Variants in ESPNL observed in about 807,000 individuals in gnomAD.
ESPNL encodes the protein espin-like protein.
In ESPNL, 49 loss-of-function variants were observed where a neutral mutation model predicts 46.8. The ratio of observed to expected loss-of-function variants is 1.05; its 90% CI spans 0.83 to 1.33. The LOEUF (loss-of-function observed/expected upper bound fraction) is 1.33, where lower values mean the gene tolerates loss of function less well. Ranked by LOEUF, ESPNL falls within the 40% of genes most tolerant of loss-of-function variation. The probability of loss-of-function intolerance (pLI) is 0.00; values close to 1 mark genes in which losing one functional copy is unlikely to be tolerated. For missense variants in ESPNL, 1,540 were observed against 1,436.6 expected (o/e 1.07, Z -1.16); for synonymous variants, 664 against 662.1 (o/e 1.00, Z -0.04).
intron 5 of ESPNL, among the ~76,000 whole-genome samples, chr2:238,120,965 A>C (rs541949041): frequency 1.1e-4 from 16 of 152,314 alleles, no homozygotes; most frequent in African/African-American, 2.9e-4. Context: ...GCATTCCAAG[A>C]GCAGCAGCAG....
intron 3 of ESPNL, among the ~76,000 whole-genome samples, chr2:238,106,726 G>A (rs969228859): frequency 1.2e-5 from 1 of 85,426 alleles, no homozygotes; most frequent in Non-Finnish European, 1.9e-5. Flanking sequence ...AGGGGGTCCT[G>A]AGGGAGGGAA....
rs1272258044 is a variant in ESPNL at position 238,126,935 on chromosome 2, TTG to T, written c.1103-679_1103-678del. On this transcript the variant is annotated intron_variant, in intron 6 of 8. Coordinates refer to ENST00000343063, the MANE Select transcript of ESPNL (RefSeq NM_194312.4). ...TATGATCGTGTCTGTGTGTCTGTGATTGTGTGTGTCACTGTTATTGTGTGTCT... is the reference window on the plus strand; with the variant it reads ...TATGATCGTGTCTGTGTGTCTGTGATTGTGTGTCACTGTTATTGTGTGTCT... 5.4e-4 allele frequency among the ~76,000 whole-genome samples: 25 copies of T among 46,110 alleles called. No homozygotes were observed. In the East Asian group the frequency reaches 9.8e-3, roughly 18 times the overall value. The allele number at this position is 46,110 out of a possible 152,430, so 30.2% of individuals were successfully genotyped here.
At chr2:238,127,340 A>C (rs1224769340) in intron 6 of ESPNL, 33 of 1,246,152 alleles carry the variant, frequency 2.6e-5, no homozygotes, top group Non-Finnish European at 3.1e-5. Context: ...GGCGGCCTCA[A>C]GCCCTTCCCA....
At chr2:238,117,256 G>A (rs1052449976) in intron 5 of ESPNL, among the ~76,000 whole-genome samples, 2 of 152,240 alleles carry the variant, frequency 1.3e-5, no homozygotes, top group Non-Finnish European at 2.9e-5. Flanking sequence ...CAGGGGCCAG[G>A]ACAGGGGCTG....
At chr2:238,106,186 G>A (rs751818886) in intron 3 of ESPNL, among the ~76,000 whole-genome samples, 1 of 152,186 alleles carries the variant, frequency 6.6e-6, no homozygotes, top group Non-Finnish European at 1.5e-5. Context: ...CACCTGCTAC[G>A]TTCCCCGCAC....
rs2106476488 is a variant in ESPNL at position 238,125,344 on chromosome 2, G to GC, written c.1062_1063insC (p.Asp355ArgfsTer26). The stretch of plus-strand genomic sequence containing the variant: ...TGTTGGCCACGAGGCGCTCCCTGGA[G>GC]GATGGAAGAAGAGGAGGCCCAGGGC... On this transcript the variant is annotated frameshift_variant, in exon 6 of 9. Transcript: ENST00000343063. LOFTEE classifies it high-confidence loss of function. 6.4e-7 allele frequency: 1 copy of GC among 1,574,686 alleles called. No homozygotes were observed. The highest frequency in any genetic ancestry group is 1.2e-5 in the South Asian group (1 of 85,042).
At chr2:238,105,634 G>A (rs1444515569) in intron 3 of ESPNL, among the ~76,000 whole-genome samples, 1 of 152,162 alleles carries the variant, frequency 6.6e-6, no homozygotes, top group African/African-American at 2.4e-5. Context: ...CTTCCTGAGG[G>A]GGGCACAGGT....
In ESPNL at chr2:238,100,616, G is replaced by C; in HGVS notation, c.197G>C (p.Arg66Pro). 6.7e-7 allele frequency: 1 copy of C among 1,501,470 alleles called. No individual in the cohort carries two copies. Among genetic ancestry groups the C allele is most frequent in the East Asian group, 2.5e-5 (1 of 40,618 alleles). 93.0% of individuals were successfully genotyped at this position (1,501,470 alleles called of 1,614,324 possible). A position where few individuals can be genotyped will look rare whatever the true frequency, so the allele number is the denominator to read the frequency against. Residue 66 changes from arginine to proline, a missense_variant, in exon 1 of 9, where the codon CGG (arginine) becomes CCG (proline). Transcript: ENST00000343063. ...CGGGCCCAGCTGCCCGGCAACCAGC[G>C]GGCCCACAACGGGGCCACCCCAGCG... The part of the protein sequence containing the change: ...VQRAQLPGNQ[R>P]AHNGATPAHD...
intron 8 of ESPNL, 92 bp from the exon 9 acceptor site, chr2:238,130,036 A>C: frequency 6.4e-6 from 9 of 1,407,084 alleles, no homozygotes; most frequent in Non-Finnish European, 8.7e-6. Flanking sequence ...GAGGCTCTGC[A>C]GAGATACTGA....
At chr2:238,127,779 C>A in intron 7 of ESPNL, 45 bp downstream of exon 7, 1 of 1,464,526 alleles carries the variant, frequency 6.8e-7, no homozygotes. Flanking sequence ...GGCCCCTAGC[C>A]AGCCTCCATT....
chr2:238,118,507 GAGGGTGGATGGAGA>G lies in ESPNL; in HGVS notation c.987+1487_987+1500del, dbSNP rs1258903695. Reference sequence around the variant, plus strand: ...AAAGAGTGGATGGTGGGAGATGGAGGAGGGTGGATGGAGAAGGGTGGATGGAGGAGGAATGGATG... The same window carrying G: ...AAAGAGTGGATGGTGGGAGATGGAGGAGGGTGGATGGAGGAGGAATGGATG... On this transcript the variant is annotated intron_variant, in intron 5 of 8. Coordinates refer to ENST00000343063, the MANE Select transcript of ESPNL (RefSeq NM_194312.4). Among the ~76,000 whole-genome samples, 26 of 131,070 alleles carry G rather than the reference GAGGGTGGATGGAGA, an allele frequency of 2.0e-4. 1 individual carries two copies. The highest frequency in any genetic ancestry group is 2.6e-4 in the Non-Finnish European group (16 of 61,902). 86.0% of individuals were successfully genotyped at this position (131,070 alleles called of 152,430 possible).
Position 238,127,295 on chromosome 2 carries a change from G to C in ESPNL, c.1103-327G>C. The C allele has an allele frequency of 1.7e-5, 19 of 1,104,996 alleles. 1 individual carries two copies. The highest frequency in any genetic ancestry group is 2.0e-5 in the Non-Finnish European group (18 of 893,510). The allele number at this position is 1,104,996 out of a possible 1,614,324, so 68.4% of individuals were successfully genotyped here. ...GGCAGGGAGCATTGCAGGCAGCAAG[G>C]GAACCAGCTTTGGGGCCTGCAGAGC... is the stretch of plus-strand genomic sequence containing the variant. On this transcript the variant is annotated intron_variant, in intron 6 of 8. Transcript: ENST00000343063.
chr2:238,130,724 C>T lies in ESPNL; in HGVS notation c.2010C>T (p.Asn670=). The T allele has an allele frequency of 1.3e-6, 2 of 1,565,842 alleles. No individual in the cohort carries two copies. Among genetic ancestry groups the T allele is most frequent in the South Asian group, 1.2e-5 (1 of 86,334 alleles). ...ESASGPLCGF[N]PGPCEPGAQH... Reference sequence around the variant, plus strand: ...CCTCTGGCCCACTCTGTGGCTTCAACCCTGGCCCCTGCGAGCCGGGGGCCC... The same window carrying T: ...CCTCTGGCCCACTCTGTGGCTTCAATCCTGGCCCCTGCGAGCCGGGGGCCC... Residue 670 remains asparagine (N), a synonymous_variant, in exon 9 of 9, where the codon AAC becomes AAT. Transcript: ENST00000343063.
chr2:238,104,604 TG>T, intron 2 of ESPNL, 51 bp from the exon 3 acceptor site: 1 of 1,484,936 alleles, frequency 6.7e-7, no homozygotes. Flanking sequence ...AGCCGAGGGA[TG>T]GGCTCAGCCA....
At chr2:238,119,071 AAGAGGGTGAAT>A (rs1691908726) in intron 5 of ESPNL, among the ~76,000 whole-genome samples, 3 of 106,240 alleles carry the variant, frequency 2.8e-5, no homozygotes, top group Non-Finnish European at 3.8e-5. Context: ...GGATGGATGG[AAGAGGGTGAAT>A]GGAGGAGAGT....
intron 1 of ESPNL, 41 bp from the exon 2 acceptor site, chr2:238,101,900 C>CGGCCTACCCCCCACTCACT (rs1165201461): frequency 3.8e-5 from 57 of 1,512,540 alleles, no homozygotes; most frequent in Non-Finnish European, 4.8e-5. Context: ...TCTGACCTCA[C>CGGCCTACCCCCCACTCACT]GGCCTACCCC....
chr2:238,125,287 G>GC lies in ESPNL; in HGVS notation c.1010dup (p.Pro338ThrfsTer43). On this transcript the variant is annotated frameshift_variant, in exon 6 of 9. Coordinates refer to ENST00000343063, the MANE Select transcript of ESPNL (RefSeq NM_194312.4). LOFTEE classifies it high-confidence loss of function. ...ACCCACAGGTGCCCCTGCTGATGAC[G>GC]CCCCCACCACCACCGTTCCCCCCAC... The GC allele has an allele frequency of 6.5e-7, 1 of 1,527,576 alleles. No individual in the cohort carries two copies. The highest frequency in any genetic ancestry group is 1.3e-5 in the South Asian group (1 of 78,812). The allele number at this position is 1,527,576 out of a possible 1,614,324, so 94.6% of individuals were successfully genotyped here.
At chr2:238,125,449 C>T in intron 6 of ESPNL, 65 bp downstream of exon 6, 1 of 984,490 alleles carries the variant, frequency 1.0e-6, no homozygotes, top group Non-Finnish European at 1.4e-6. Context: ...CACTGGCCTC[C>T]CCTCCGAGGT....
intron 5 of ESPNL, among the ~76,000 whole-genome samples, chr2:238,121,397 C>T (rs762570119): frequency 1.3e-5 from 2 of 152,348 alleles, no homozygotes; most frequent in South Asian, 2.1e-4. Context: ...AAGTTCTGAG[C>T]ATCTCTAAAC....
Sources: allele counts gnomAD v4.1 joint callset (sites outside exome capture counted in the v4.1 genomes callset), GRCh38; gene constraint gnomAD v4.1.1; transcripts MANE v1.5; gene names NCBI Gene and HGNC (gene_info 2026-07-23, HGNC 2026-07-21).